DPP10: variants seen among roughly 807,000 people sequenced by gnomAD.
DPP10 encodes dipeptidyl peptidase like 10.
A neutral mutation model predicts 120.9 loss-of-function variants in DPP10; 33 were observed. The observed-to-expected ratio is 0.27, with a 90% CI of 0.21 to 0.37. DPP10 has a LOEUF of 0.37. DPP10 is among the 10% of genes least tolerant of loss of function. The pLI, the probability that DPP10 is intolerant of heterozygous loss-of-function variation, is 1.00. For missense variants in DPP10, 816 were observed against 942.8 expected (o/e 0.87, Z 1.76); for synonymous variants, 337 against 326.1 (o/e 1.03, Z -0.36).
intron 1 of DPP10, among the ~76,000 whole-genome samples, chr2:114,445,376 A>G (rs1387964456): frequency 6.6e-6 from 1 of 152,198 alleles, no homozygotes; most frequent in East Asian, 1.9e-4. Context: ...AATAACCTCT[A>G]GAGAACTTTT....
At chr2:114,931,558 G>T (rs1010685377) in intron 1 of DPP10, among the ~76,000 whole-genome samples, 24 of 152,092 alleles carry the variant, frequency 1.6e-4, no homozygotes, top group Admixed American at 3.3e-4. Context: ...CTCCCATTTG[G>T]CCCCACCTCC....
chr2:114,782,514 C>T lies in DPP10; in HGVS notation c.60+339676C>T, dbSNP rs182313425. On this transcript the variant is annotated intron_variant, in intron 1 of 25. Coordinates refer to ENST00000410059, the MANE Select transcript of DPP10 (RefSeq NM_020868.6). ...ATGGGTTTATAGCATCTGAAGGCAC[C>T]CATTTGAGTAGGGGGGTGTTACATT... Among the ~76,000 whole-genome samples, 167 of 151,630 alleles carry T rather than the reference C, an allele frequency of 1.1e-3. 1 individual carries two copies. The highest frequency in any genetic ancestry group is 2.2e-3 in the Non-Finnish European group (146 of 67,874).
intron 1 of DPP10, among the ~76,000 whole-genome samples, chr2:114,861,344 G>A (rs986428504): frequency 2.0e-5 from 3 of 152,086 alleles, no homozygotes; most frequent in East Asian, 1.9e-4. Context: ...ACCAAACCTC[G>A]AGTACCATGG....
At chr2:115,229,441 A>C (rs1201290338) in intron 1 of DPP10, among the ~76,000 whole-genome samples, 2 of 152,118 alleles carry the variant, frequency 1.3e-5, no homozygotes, top group African/African-American at 4.8e-5. Context: ...TACTCAAGAA[A>C]TCTTTGCCAA....
In DPP10 at chr2:114,759,531, A is replaced by C. The variant is rs989442821; in HGVS notation, c.60+316693A>C. The stretch of plus-strand genomic sequence containing the variant: ...CCCCTCCTGCTGTCTCTTGGTGGCC[A>C]CTGCTAAACTAAGGTCTCTAGCAAG... On this transcript the variant is annotated intron_variant, in intron 1 of 25. Transcript: ENST00000410059. Among the ~76,000 whole-genome samples the C allele has an allele frequency of 6.0e-5, 9 of 150,874 alleles. No homozygotes were observed. In the East Asian group the frequency reaches 1.7e-3, roughly 29 times the overall value.
intron 1 of DPP10, among the ~76,000 whole-genome samples, chr2:115,033,819 A>G (rs994998720): frequency 6.0e-5 from 9 of 150,020 alleles, no homozygotes; most frequent in African/African-American, 2.2e-4. Flanking sequence ...TCCCACCTCA[A>G]CTTTCCAAAG....
intron 1 of DPP10, chr2:115,233,949 T>C (rs1486682661): frequency 1.9e-6 from 1 of 518,542 alleles, no homozygotes; most frequent in South Asian, 1.4e-5. Context: ...TAGAAAGTTC[T>C]AGAACTAAGA....
chr2:115,482,737 C>T (rs1219901688), intron 3 of DPP10, among the ~76,000 whole-genome samples: 1 of 151,998 alleles, frequency 6.6e-6, no homozygotes, highest in Non-Finnish European at 1.5e-5. Flanking sequence ...ATATAAATAC[C>T]AATATTATTA....
intron 1 of DPP10, among the ~76,000 whole-genome samples, chr2:114,585,057 A>G (rs1254400916): frequency 6.6e-6 from 1 of 152,190 alleles, no homozygotes; most frequent in Non-Finnish European, 1.5e-5. Flanking sequence ...CTTTAAAACA[A>G]TGAGCGTTTA....
chr2:114,989,809 C>G (rs1472675788), intron 1 of DPP10, among the ~76,000 whole-genome samples: 3 of 152,160 alleles, frequency 2.0e-5, no homozygotes, highest in Non-Finnish European at 1.5e-5. Context: ...TCTTTTCTTC[C>G]ATACTGGTCC....
intron 1 of DPP10, among the ~76,000 whole-genome samples, chr2:115,232,449 T>C (rs1045104100): frequency 1.3e-5 from 2 of 152,214 alleles, no homozygotes; most frequent in East Asian, 1.9e-4. Context: ...TTAATTATTT[T>C]GCTTACAATG....
intron 1 of DPP10, among the ~76,000 whole-genome samples, chr2:114,663,666 TATAGAGAGAG>T (rs1697649886): frequency 1.1e-5 from 1 of 92,628 alleles, no homozygotes; most frequent in South Asian, 3.6e-4. Flanking sequence ...TATATATATA[TATAGAGAGAG>T]AGAGAGAGAG....
intron 5 of DPP10, among the ~76,000 whole-genome samples, chr2:115,530,686 A>T (rs2078409218): frequency 6.6e-6 from 1 of 152,052 alleles, no homozygotes; most frequent in Non-Finnish European, 1.5e-5. Context: ...TCTCAAAAAA[A>T]AAAATTAAAT....
chr2:114,615,836 T>C (rs1283464803), intron 1 of DPP10, among the ~76,000 whole-genome samples: 1 of 152,178 alleles, frequency 6.6e-6, no homozygotes, highest in African/African-American at 2.4e-5. Context: ...CCACATTTAT[T>C]GGGCATTTCC....
At chr2:115,162,861 C>A (rs1370549605) in intron 1 of DPP10, among the ~76,000 whole-genome samples, 2 of 152,158 alleles carry the variant, frequency 1.3e-5, no homozygotes, top group Non-Finnish European at 1.5e-5. Context: ...TTTGGGACTT[C>A]GGTGTCGCTC....
chr2:114,472,193 C>A (rs1423136319), intron 1 of DPP10, among the ~76,000 whole-genome samples: 2 of 152,136 alleles, frequency 1.3e-5, no homozygotes. Flanking sequence ...CTTCTCATAT[C>A]TTTTTGACAG....
intron 3 of DPP10, among the ~76,000 whole-genome samples, chr2:115,397,570 C>T (rs2067772967): frequency 6.6e-6 from 1 of 152,058 alleles, no homozygotes; most frequent in Admixed American, 6.6e-5. Flanking sequence ...AGTGGTCACC[C>T]AAGCATGATT....
At chr2:115,810,873 ATAAC>A (rs909596476) in intron 19 of DPP10, among the ~76,000 whole-genome samples, 5 of 152,230 alleles carry the variant, frequency 3.3e-5, no homozygotes, top group African/African-American at 1.2e-4. Context: ...AGAAACAAAA[ATAAC>A]TAAATCAATT....
chr2:115,626,362 C>G, intron 5 of DPP10, among the ~76,000 whole-genome samples: 1 of 152,046 alleles, frequency 6.6e-6, no homozygotes, highest in South Asian at 2.1e-4. Flanking sequence ...ATTAATTTGT[C>G]AATTAACGTA....
Sources: gnomAD v4.1 joint callset for allele counts (sites outside exome capture counted in the v4.1 genomes callset) on GRCh38, gnomAD v4.1.1 for gene constraint, MANE v1.5 for transcripts, NCBI Gene and HGNC (gene_info 2026-07-23, HGNC 2026-07-21) for gene names.